The following PLCL1 variants were observed in gnomAD, a reference collection of about 807,000 sequenced individuals.
PLCL1 encodes the protein phospholipase C like 1 (inactive).
PLCL1 carries 41 observed loss-of-function variants against 84.4 expected under a neutral mutation model. The ratio of observed to expected loss-of-function variants is 0.49; its 90% CI spans 0.38 to 0.63. The LOEUF (loss-of-function observed/expected upper bound fraction) is 0.63, where lower values mean the gene tolerates loss of function less well. PLCL1 is among the 30% of genes least tolerant of loss of function. The pLI, the probability that PLCL1 is intolerant of heterozygous loss-of-function variation, is 0.00. For synonymous variants in PLCL1, 490 were observed against 488.3 expected (o/e 1.00, Z -0.05); for missense variants, 1,206 against 1,367.8 (o/e 0.88, Z 1.87).
chr2:197,944,571 T>C (rs1689232338), intron 1 of PLCL1, among the ~76,000 whole-genome samples: 1 of 152,212 alleles, frequency 6.6e-6, no homozygotes, highest in Non-Finnish European at 1.5e-5. Flanking sequence ...GTGCAGTTTG[T>C]GTTGTGTAAA....
At chr2:197,915,033 A>T (rs1688564484) in intron 1 of PLCL1, among the ~76,000 whole-genome samples, 1 of 152,188 alleles carries the variant, frequency 6.6e-6, no homozygotes, top group African/African-American at 2.4e-5. Flanking sequence ...GTTGTCAGGG[A>T]CATGGAGCTC....
At chr2:197,997,845 C>T (rs1690503623) in intron 1 of PLCL1, among the ~76,000 whole-genome samples, 1 of 152,154 alleles carries the variant, frequency 6.6e-6, no homozygotes, top group Admixed American at 6.5e-5. Context: ...GTCCCTTTGC[C>T]TCCCAAAAAG....
chr2:197,909,188 C>T (rs770998004), intron 1 of PLCL1, among the ~76,000 whole-genome samples: 12 of 152,268 alleles, frequency 7.9e-5, no homozygotes, highest in African/African-American at 1.9e-4. Context: ...TGATTTCATA[C>T]GTCAGAGGAT....
intron 1 of PLCL1, among the ~76,000 whole-genome samples, chr2:197,978,434 C>T (rs1690031880): frequency 6.6e-6 from 1 of 152,076 alleles, no homozygotes; most frequent in Admixed American, 6.5e-5. Flanking sequence ...GCCGAGATGG[C>T]GGCACTGCAC....
chr2:197,909,619 G>A (rs1688446197), intron 1 of PLCL1, among the ~76,000 whole-genome samples: 1 of 152,140 alleles, frequency 6.6e-6, no homozygotes, highest in Non-Finnish European at 1.5e-5. Flanking sequence ...AGGCTCTTTG[G>A]TTACTCTCTG....
chr2:197,927,328 G>T (rs137914944), intron 1 of PLCL1, among the ~76,000 whole-genome samples: 158 of 152,280 alleles, frequency 1.0e-3, no homozygotes, highest in Middle Eastern at 3.4e-3. Context: ...ATTTAATTCT[G>T]TCTCCATTCA....
intron 1 of PLCL1, among the ~76,000 whole-genome samples, chr2:197,806,572 T>C (rs1690488987): frequency 6.6e-6 from 1 of 152,212 alleles, no homozygotes; most frequent in South Asian, 2.1e-4. Flanking sequence ...TAATTACAAA[T>C]GGCTTGTAGT....
intron 1 of PLCL1, among the ~76,000 whole-genome samples, chr2:198,037,663 A>G (rs1055286055): frequency 5.9e-5 from 9 of 152,210 alleles, no homozygotes; most frequent in Non-Finnish European, 1.0e-4. Context: ...CTGTGCTTAC[A>G]AAGAGTCAAT....
At chr2:197,923,631 AGAT>A (rs1688768492) in intron 1 of PLCL1, among the ~76,000 whole-genome samples, 2 of 145,978 alleles carry the variant, frequency 1.4e-5, no homozygotes. Context: ...CTCACTTCCT[AGAT>A]GGGATGGCGG....
At chr2:197,871,475 C>G (rs1574923551) in intron 1 of PLCL1, among the ~76,000 whole-genome samples, 1 of 152,092 alleles carries the variant, frequency 6.6e-6, no homozygotes, top group Non-Finnish European at 1.5e-5. Context: ...AGGGGAGTGC[C>G]TTAGTTTCCT....
At chr2:198,110,059 T>C (rs1367219156) in intron 5 of PLCL1, among the ~76,000 whole-genome samples, 1 of 151,778 alleles carries the variant, frequency 6.6e-6, no homozygotes, top group Non-Finnish European at 1.5e-5. Flanking sequence ...ATTCATGACT[T>C]TCATTGATTA....
At chr2:197,962,649 C>T (rs559423604) in intron 1 of PLCL1, among the ~76,000 whole-genome samples, 1 of 152,090 alleles carries the variant, frequency 6.6e-6, no homozygotes, top group Non-Finnish European at 1.5e-5. Context: ...TTATTGTTCA[C>T]TGTAGGCACT....
Position 197,804,974 on chromosome 2 carries a change from C to A in PLCL1, c.-126C>A. On this transcript the variant is annotated 5_prime_UTR_variant, in exon 1 of 6. Transcript: ENST00000428675. ...GCCGCCGCCGCCGCCGCCACTGCCG[C>A]CGCTGGGCGGTGAAACAAAGTCTGG... The A allele has an allele frequency of 8.3e-7, 1 of 1,208,044 alleles. No individual in the cohort carries two copies. Among genetic ancestry groups the A allele is most frequent in the Non-Finnish European group, 1.1e-6 (1 of 903,580 alleles). The allele number at this position is 1,208,044 out of a possible 1,614,324, so 74.8% of individuals were successfully genotyped here.
chr2:197,951,804 A>C (rs1370900477), intron 1 of PLCL1, among the ~76,000 whole-genome samples: 2 of 152,070 alleles, frequency 1.3e-5, no homozygotes, highest in African/African-American at 2.4e-5. Context: ...GGTTTAAAAC[A>C]CTCTGAACTG....
chr2:197,857,173 T>G (rs1054777859), intron 1 of PLCL1, among the ~76,000 whole-genome samples: 4 of 140,482 alleles, frequency 2.8e-5, no homozygotes, highest in South Asian at 2.2e-4. Flanking sequence ...GAGAATGAAC[T>G]TTTTTTTTTT....
chr2:197,866,623 T>C (rs1319021358), intron 1 of PLCL1, among the ~76,000 whole-genome samples: 1 of 151,344 alleles, frequency 6.6e-6, no homozygotes, highest in African/African-American at 2.5e-5. Flanking sequence ...ATCTAATAAC[T>C]CTCTAGAGGT....
At chr2:198,092,319 C>T (rs1261323230) in intron 3 of PLCL1, among the ~76,000 whole-genome samples, 1 of 152,210 alleles carries the variant, frequency 6.6e-6, no homozygotes, top group African/African-American at 2.4e-5. Context: ...GCCTCATTCT[C>T]ACACCCTCTA....
Position 198,088,792 on chromosome 2 carries a change from C to A in PLCL1, c.2716-66C>A, listed in dbSNP as rs919723748. The stretch of plus-strand genomic sequence containing the variant: ...AAAAATGAATGTACTTTTCTGTAAA[C>A]CTGGGAGTGCTGGCGGTGATGTGTC... On this transcript the variant is annotated intron_variant, in intron 2 of 5. Coordinates refer to ENST00000428675, the MANE Select transcript of PLCL1 (RefSeq NM_006226.4). The A allele has an allele frequency of 2.1e-5, 19 of 897,554 alleles. No individual in the cohort carries two copies. In the East Asian group the frequency reaches 4.6e-4, roughly 22 times the overall value. 55.6% of individuals were successfully genotyped at this position (897,554 alleles called of 1,614,324 possible). A position where few individuals can be genotyped will look rare whatever the true frequency, so the allele number is the denominator to read the frequency against.
intron 5 of PLCL1, among the ~76,000 whole-genome samples, chr2:198,127,856 G>A (rs1214315948): frequency 6.6e-6 from 1 of 152,112 alleles, no homozygotes; most frequent in East Asian, 1.9e-4. Flanking sequence ...GCTGGACAGT[G>A]TGAAAAATCT....
Sources: allele counts gnomAD v4.1 joint callset (sites outside exome capture counted in the v4.1 genomes callset), GRCh38; gene constraint gnomAD v4.1.1; transcripts MANE v1.5; gene names NCBI Gene and HGNC (gene_info 2026-07-23, HGNC 2026-07-21).